CHD7: variants seen among roughly 807,000 people sequenced by gnomAD.
CHD7 encodes the protein chromodomain helicase DNA binding protein 7.
Under a neutral mutation model 307.3 loss-of-function variants are expected in CHD7, and 24 were observed. That is an observed-to-expected ratio of 0.08 (90% CI 0.06 to 0.11). The LOEUF is 0.11. CHD7 is among the 10% of genes least tolerant of loss of function. The pLI is 1.00. For synonymous variants in CHD7, 1,363 were observed against 1,349.9 expected (o/e 1.01, Z -0.21); for missense variants, 3,106 against 3,727.1 (o/e 0.83, Z 4.34).
At chr8:60,821,698 C>A (rs948584132) in intron 9 of CHD7, 92 bp from the exon 10 acceptor site, 14 of 975,432 alleles carry the variant, frequency 1.4e-5, no homozygotes, top group Non-Finnish European at 1.9e-5. Flanking sequence ...ACATACATAT[C>A]TATATGTATA....
At chr8:60,769,026 A>G (rs982221475) in intron 2 of CHD7, among the ~76,000 whole-genome samples, 1 of 152,240 alleles carries the variant, frequency 6.6e-6, no homozygotes, top group Admixed American at 6.5e-5. Flanking sequence ...CTAAAGTAAT[A>G]TGTTTTCAAA....
At chr8:60,692,445 G>C (rs1272090595) in intron 1 of CHD7, among the ~76,000 whole-genome samples, 1 of 152,186 alleles carries the variant, frequency 6.6e-6, no homozygotes, top group Non-Finnish European at 1.5e-5. Context: ...TAATACATTT[G>C]TTAAGCTACA....
chr8:60,852,364 C>A (rs1805493874), intron 29 of CHD7, 117 bp downstream of exon 29: 6 of 1,292,764 alleles, frequency 4.6e-6, no homozygotes, highest in Non-Finnish European at 1.1e-6. Context: ...GAAAGGCTCG[C>A]TCCAACAAAG....
At chr8:60,845,221 T>C (rs1403376707) in intron 22 of CHD7, 29 bp from the exon 23 acceptor site, 2 of 1,595,828 alleles carry the variant, frequency 1.3e-6, no homozygotes, top group South Asian at 2.2e-5. Flanking sequence ...TGTAAAAGGC[T>C]TCTATTATTA....
intron 13 of CHD7, 139 bp from the exon 14 acceptor site, chr8:60,828,524 C>T: frequency 2.7e-6 from 2 of 738,340 alleles, no homozygotes; most frequent in Admixed American, 3.0e-5. Flanking sequence ...TCTAATACCT[C>T]TGTTTTCATG....
intron 34 of CHD7, among the ~76,000 whole-genome samples, chr8:60,860,439 A>C (rs970459418): frequency 3.9e-5 from 6 of 152,102 alleles, no homozygotes; most frequent in South Asian, 2.1e-4. Flanking sequence ...TCTTCTTTTT[A>C]TTTTTATTTT....
intron 1 of CHD7, among the ~76,000 whole-genome samples, chr8:60,716,269 A>G (rs1807594241): frequency 6.6e-6 from 1 of 152,178 alleles, no homozygotes; most frequent in South Asian, 2.1e-4. Flanking sequence ...TTAGCAGTCA[A>G]AGTCATCTCT....
In CHD7 at chr8:60,867,051, G is replaced by C. The variant is rs1806264776; in HGVS notation, c.*1118G>C. 6.6e-6 allele frequency: 1 copy of C among 151,870 alleles called. No individual in the cohort carries two copies. Among genetic ancestry groups the C allele is most frequent in the African/African-American group, 2.4e-5 (1 of 41,334 alleles). 9.4% of individuals were successfully genotyped at this position (151,870 alleles called of 1,614,324 possible). ...TTAGCTTTTGGTAAGACACTAAACTGTCTCGAAGACTAGACAGGAAGGAAA... is the reference window on the plus strand; with the variant it reads ...TTAGCTTTTGGTAAGACACTAAACTCTCTCGAAGACTAGACAGGAAGGAAA... On this transcript the variant is annotated 3_prime_UTR_variant, in exon 38 of 38. Transcript: ENST00000423902.
intron 2 of CHD7, among the ~76,000 whole-genome samples, chr8:60,745,121 G>A (rs1471994181): frequency 6.6e-6 from 1 of 151,968 alleles, no homozygotes; most frequent in Non-Finnish European, 1.5e-5. Context: ...CGGACCAAAA[G>A]TACTGTCTCT....
intron 1 of CHD7, among the ~76,000 whole-genome samples, chr8:60,719,662 G>A (rs1807798264): frequency 6.6e-6 from 1 of 152,150 alleles, no homozygotes; most frequent in South Asian, 2.1e-4. Flanking sequence ...CCCTCAGGGA[G>A]CTCCAGCACT....
At chr8:60,793,504 G>A (rs1292671509) in intron 3 of CHD7, among the ~76,000 whole-genome samples, 3 of 152,026 alleles carry the variant, frequency 2.0e-5, no homozygotes, top group East Asian at 1.9e-4. Flanking sequence ...TACATTTTAG[G>A]TGTGTGATGG....
rs371595770 is a variant in CHD7, at chr8:60,856,749, C to G, written c.7469C>G (p.Ser2490Trp). The change falls in exon 34 of 38, where the codon TCG becomes TGG. Residue 2490 changes from serine (S) to tryptophan (W), a missense_variant. Physicochemically the swap from Ser to Trp is radical, Grantham distance 177. Coordinates refer to ENST00000423902, the MANE Select transcript of CHD7 (RefSeq NM_017780.4). Reference protein sequence around the residue: ...TQMELLQAGLSRTPTRHLLNG... With the variant: ...TQMELLQAGLWRTPTRHLLNG... ...ATGGAACTGCTCCAAGCAGGCCTTT[C>G]GCGCACACCCACAAGGCATCTCCTT... 5 of 1,614,052 alleles carry G rather than the reference C, an allele frequency of 3.1e-6. No homozygotes were observed. Among genetic ancestry groups the G allele is most frequent in the African/African-American group, 1.3e-5 (1 of 75,066 alleles).
chr8:60,780,951 T>C (rs1811186758), intron 2 of CHD7, 49 bp from the exon 3 acceptor site: 2 of 1,453,452 alleles, frequency 1.4e-6, no homozygotes, highest in Non-Finnish European at 9.1e-7. Flanking sequence ...TTCTTTTCTT[T>C]ACTGTGAAGA....
Position 60,741,906 on chromosome 8 carries a change from C to A in CHD7, c.474C>A (p.Ala158=). The change falls in exon 2 of 38, where the codon GCC becomes GCA. Residue 158 remains alanine (A), a synonymous_variant. Coordinates refer to ENST00000423902, the MANE Select transcript of CHD7 (RefSeq NM_017780.4). ...RAVQVPDQIR[A]PYQQQQPQPQ... Reference sequence around the variant, plus strand: ...TTCAGGTACCAGACCAGATACGAGCCCCCTACCAGCAGCAGCAGCCACAGC... The same window carrying A: ...TTCAGGTACCAGACCAGATACGAGCACCCTACCAGCAGCAGCAGCCACAGC... The A allele has an allele frequency of 6.2e-7, 1 of 1,613,166 alleles. No homozygotes were observed. Among genetic ancestry groups the A allele is most frequent in the Non-Finnish European group, 8.5e-7 (1 of 1,179,628 alleles).
rs114836380 is a variant in CHD7 at position 60,859,945 on chromosome 8, A to G, written c.7609-959A>G. 7.7e-3 allele frequency among the ~76,000 whole-genome samples: 1,179 copies of G among 152,280 alleles called. 18 individuals carry two copies. The highest frequency in any genetic ancestry group is 0.026 in the African/African-American group (1,073 of 41,546). ...AACTGACTCCAGCGTAGTGGTGTGGAGGTTGGATTGAAGATAGGTGGGATT... is the reference window on the plus strand; with the variant it reads ...AACTGACTCCAGCGTAGTGGTGTGGGGGTTGGATTGAAGATAGGTGGGATT... On this transcript the variant is annotated intron_variant, in intron 34 of 37. Transcript: ENST00000423902.
chr8:60,713,915 T>TC (rs34277368), intron 1 of CHD7, among the ~76,000 whole-genome samples: 117,727 of 152,012 alleles, frequency 0.77, 45,911 homozygotes, highest in East Asian at 0.94. Context: ...TTATTTTGCT[T>TC]CTCCTCCCGC....
chr8:60,806,206 C>G (rs1443391195), intron 6 of CHD7, among the ~76,000 whole-genome samples: 3 of 151,734 alleles, frequency 2.0e-5, no homozygotes, highest in Non-Finnish European at 4.4e-5. Flanking sequence ...ACTAAAAATA[C>G]AAAAAAAATT....
chr8:60,864,966 G>C (rs771630526), intron 37 of CHD7, 50 bp from the exon 38 acceptor site: 3 of 1,515,626 alleles, frequency 2.0e-6, no homozygotes, highest in Non-Finnish European at 2.7e-6. Context: ...TTGAGATCAA[G>C]TTGTCTTCGA....
At chr8:60,720,666 G>A (rs1416966466) in intron 1 of CHD7, among the ~76,000 whole-genome samples, 2 of 152,206 alleles carry the variant, frequency 1.3e-5, no homozygotes, top group Admixed American at 6.5e-5. Flanking sequence ...GAGAGTAAAG[G>A]CTAAGACGGC....
Sources: allele counts gnomAD v4.1 joint callset (sites outside exome capture counted in the v4.1 genomes callset), GRCh38; gene constraint gnomAD v4.1.1; transcripts MANE v1.5; gene names NCBI Gene and HGNC (gene_info 2026-07-23, HGNC 2026-07-21).